UBAP2: variants seen among roughly 807,000 people sequenced by gnomAD.
UBAP2 encodes the protein ubiquitin associated protein 2.
UBAP2 carries 75 observed loss-of-function variants against 139.6 expected under a neutral mutation model. The observed-to-expected ratio is 0.54, with a 90% CI of 0.45 to 0.65. The LOEUF (loss-of-function observed/expected upper bound fraction) is 0.65. Among genes scored for constraint, UBAP2 ranks in the 30% least tolerant of loss-of-function variants. UBAP2 has a pLI of 0.00. For synonymous variants in UBAP2, 526 were observed against 526.2 expected (o/e 1.00, Z 0.01); for missense variants, 1,368 against 1,369.6 (o/e 1.00, Z 0.02).
At chr9:33,961,069 C>G (rs1334684625) in intron 9 of UBAP2, among the ~76,000 whole-genome samples, 191 bp from the exon 10 acceptor site, 1 of 152,124 alleles carries the variant, frequency 6.6e-6, no homozygotes, top group African/African-American at 2.4e-5. Flanking sequence ...CTTTTCTCCC[C>G]TTCTCTTTGA....
At chr9:33,965,760 G>T (rs952700030) in intron 8 of UBAP2, among the ~76,000 whole-genome samples, 4 of 152,140 alleles carry the variant, frequency 2.6e-5, no homozygotes, top group African/African-American at 9.7e-5. Context: ...TAAAATCAGG[G>T]AGTGTGGGCC....
chr9:33,923,688 C>T (rs1044581993), intron 24 of UBAP2, 107 bp downstream of exon 24: 45 of 1,243,040 alleles, frequency 3.6e-5, no homozygotes, highest in Admixed American at 1.1e-4. Context: ...CCAGGTAAGA[C>T]GGAGTGGAAT....
chr9:33,941,564 C>T, intron 16 of UBAP2, 85 bp downstream of exon 16: 2 of 1,179,944 alleles, frequency 1.7e-6, no homozygotes, highest in Non-Finnish European at 2.5e-6. Context: ...AAAATAAAAT[C>T]ATATCCAAGA....
At chr9:34,036,531 G>C (rs1629188) in intron 1 of UBAP2, among the ~76,000 whole-genome samples, 103,488 of 151,984 alleles carry the variant, frequency 0.68, 35,868 homozygotes, top group East Asian at 0.82. Context: ...TCTGTCACAG[G>C]CAGCAGTACC....
At chr9:34,028,711 A>T (rs949146092) in intron 1 of UBAP2, among the ~76,000 whole-genome samples, 27 of 151,880 alleles carry the variant, frequency 1.8e-4, no homozygotes, top group Non-Finnish European at 3.7e-4. Context: ...GCAGGTAACC[A>T]GGACTCTTCA....
intron 1 of UBAP2, among the ~76,000 whole-genome samples, chr9:34,020,618 G>A (rs1030795838): frequency 3.3e-5 from 5 of 150,582 alleles, no homozygotes; most frequent in African/African-American, 1.2e-4. Flanking sequence ...GTGCCACTGA[G>A]CCGGCCCAGA....
At chr9:34,013,694 C>A (rs889762989) in intron 2 of UBAP2, among the ~76,000 whole-genome samples, 1 of 150,086 alleles carries the variant, frequency 6.7e-6, no homozygotes, top group Non-Finnish European at 1.5e-5. Flanking sequence ...CTGGCCAACA[C>A]GGCGAAACCC....
chr9:34,018,754 T>G (rs1824628835), intron 1 of UBAP2, among the ~76,000 whole-genome samples: 1 of 151,896 alleles, frequency 6.6e-6, no homozygotes, highest in Non-Finnish European at 1.5e-5. Flanking sequence ...TCCCAGCTAC[T>G]CAGGAGGCTG....
At chr9:34,048,929 C>G (rs1209338840), upstream of UBAP2, 2 of 152,188 alleles carry the variant, frequency 1.3e-5, no homozygotes, top group African/African-American at 2.4e-5. Context: ...CTGCCCAACC[C>G]GTCACGTGAC....
rs9774982 is a variant in UBAP2, at chr9:33,991,236, G to C, written c.289-2110C>G. 8.2e-3 allele frequency among the ~76,000 whole-genome samples: 1,246 copies of C among 152,276 alleles called. 13 individuals carry two copies. The highest frequency in any genetic ancestry group is 0.028 in the African/African-American group (1,143 of 41,548). On this transcript the variant is annotated intron_variant, in intron 4 of 28. Transcript: ENST00000379238. ...AGAAGGCTTGAACCTGGGAGGTGGA[G>C]GTTGCAGTGAGCCAAGATCACACCA...
At chr9:34,001,649 T>C (rs543242799) in intron 2 of UBAP2, among the ~76,000 whole-genome samples, 8 of 152,142 alleles carry the variant, frequency 5.3e-5, no homozygotes, top group Non-Finnish European at 7.4e-5. Context: ...TAACTCCAAT[T>C]CATATAATCA....
At chr9:33,983,651 T>C (rs1033191715) in intron 6 of UBAP2, among the ~76,000 whole-genome samples, 35 of 152,326 alleles carry the variant, frequency 2.3e-4, no homozygotes, top group Non-Finnish European at 4.1e-4. Flanking sequence ...TTTGTTACCT[T>C]CTATTTTCTT....
intron 1 of UBAP2, among the ~76,000 whole-genome samples, chr9:34,047,315 A>AT (rs1827693098): frequency 6.6e-6 from 1 of 152,184 alleles, no homozygotes; most frequent in Non-Finnish European, 1.5e-5. Context: ...CTGCCTAATG[A>AT]TAAGAGAAGC....
At chr9:34,046,603 C>CACT (rs1356163683) in intron 1 of UBAP2, among the ~76,000 whole-genome samples, 5 of 139,076 alleles carry the variant, frequency 3.6e-5, no homozygotes, top group African/African-American at 1.1e-4. Flanking sequence ...GAGATCAGGC[C>CACT]ACTGCACTCC....
intron 11 of UBAP2, among the ~76,000 whole-genome samples, chr9:33,955,749 C>T (rs1826505899): frequency 6.6e-6 from 1 of 151,468 alleles, no homozygotes; most frequent in African/African-American, 2.4e-5. Flanking sequence ...ATCACTTGAA[C>T]CCGAGAGGCG....
At chr9:33,940,921 G>T (rs532961349) in intron 16 of UBAP2, among the ~76,000 whole-genome samples, 1 of 152,164 alleles carries the variant, frequency 6.6e-6, no homozygotes, top group Non-Finnish European at 1.5e-5. Context: ...AAAAATTAGC[G>T]CAACTTTCTT....
At chr9:33,972,255 T>C (rs887275620) in intron 7 of UBAP2, among the ~76,000 whole-genome samples, 5 of 152,242 alleles carry the variant, frequency 3.3e-5, no homozygotes, top group African/African-American at 1.2e-4. Flanking sequence ...ACACCCAGTT[T>C]AATCGAATCA....
At chr9:33,986,721 C>T in intron 6 of UBAP2, 39 bp downstream of exon 6, 1 of 1,569,598 alleles carries the variant, frequency 6.4e-7, no homozygotes, top group Non-Finnish European at 8.8e-7. Flanking sequence ...CTTCTTCCCC[C>T]TAATTGAAAG....
intron 15 of UBAP2, 96 bp from the exon 16 acceptor site, chr9:33,941,958 G>C: frequency 1.2e-6 from 1 of 818,208 alleles, no homozygotes; most frequent in Non-Finnish European, 1.9e-6. Flanking sequence ...TGCAACTACT[G>C]CATCAATTTA....
Sources: gnomAD v4.1 joint callset for allele counts (sites outside exome capture counted in the v4.1 genomes callset) on GRCh38, gnomAD v4.1.1 for gene constraint, MANE v1.5 for transcripts, NCBI Gene and HGNC (gene_info 2026-07-23, HGNC 2026-07-21) for gene names.